DLGAP1: variants seen among roughly 807,000 people sequenced by gnomAD.
DLGAP1 encodes DLG associated protein 1, also known as disks large-associated protein 1.
Under a neutral mutation model 90.8 loss-of-function variants are expected in DLGAP1, and 11 were observed. The ratio of observed to expected loss-of-function variants is 0.12; its 90% CI spans 0.08 to 0.20. DLGAP1 has a LOEUF of 0.20. Among genes scored for constraint, DLGAP1 ranks in the 10% least tolerant of loss-of-function variants. The pLI is 1.00. For missense variants in DLGAP1, 1,050 were observed against 1,333.8 expected (o/e 0.79, Z 3.31); for synonymous variants, 558 against 540.7 (o/e 1.03, Z -0.44).
intron 1 of DLGAP1, among the ~76,000 whole-genome samples, chr18:4,233,695 A>G (rs1164225127): frequency 6.6e-6 from 1 of 152,150 alleles, no homozygotes; most frequent in African/African-American, 2.4e-5. Context: ...GAGTATTATC[A>G]AGGAATATGC....
At chr18:3,623,668 T>A (rs372163038) in intron 7 of DLGAP1, among the ~76,000 whole-genome samples, 10 of 150,226 alleles carry the variant, frequency 6.7e-5, no homozygotes, top group African/African-American at 2.5e-4. Context: ...TCCCAGCTAC[T>A]CAGGAGCCTG....
intron 2 of DLGAP1, among the ~76,000 whole-genome samples, chr18:4,036,453 C>G (rs1009579514): frequency 6.6e-6 from 1 of 152,236 alleles, no homozygotes; most frequent in African/African-American, 2.4e-5. Context: ...GTCCCTTCCC[C>G]AAGTTTGACA....
Position 3,499,992 on chromosome 18 carries a change from AC to A in DLGAP1, c.2725-599del, listed in dbSNP as rs1255295852. 6.6e-6 allele frequency among the ~76,000 whole-genome samples: 1 copy of A among 152,218 alleles called. No individual in the cohort carries two copies. Among genetic ancestry groups the A allele is most frequent in the African/African-American group, 2.4e-5 (1 of 41,454 alleles). On this transcript the variant is annotated intron_variant, in intron 12 of 12. Coordinates refer to ENST00000315677, the MANE Select transcript of DLGAP1 (RefSeq NM_004746.4). This position sits in a 1 kb window ranked among gnomAD's most constrained non-coding sequence, Gnocchi z 6.4. Reference sequence around the variant, plus strand: ...CCTTTTGCACACCACACACGAACACACAAGCAATATACAATATACAGGGTCA... The same window carrying A: ...CCTTTTGCACACCACACACGAACACAAAGCAATATACAATATACAGGGTCA...
In DLGAP1 at chr18:3,565,342, G is replaced by A. The variant is rs2054365562; in HGVS notation, c.2057+2148C>T. On this transcript the variant is annotated intron_variant, in intron 9 of 12. Coordinates refer to ENST00000315677, the MANE Select transcript of DLGAP1 (RefSeq NM_004746.4). The surrounding 1 kb of genome is among the most constrained non-coding windows in gnomAD (Gnocchi z 4.0). ...TTTTGTAATTTTTTAGTAGAGACGG[G>A]TTTCACCATGTTGGTCAGGCTGGTC... 6.6e-6 allele frequency among the ~76,000 whole-genome samples: 1 copy of A among 151,822 alleles called. No homozygotes were observed. The highest frequency in any genetic ancestry group is 2.1e-4 in the South Asian group (1 of 4,802).
rs2083556390 is a variant in DLGAP1 at position 4,442,312 on chromosome 18, T to C, written c.-267+12694A>G. ...TTTGCCCAGCCCTGAAATCACTTTC[T>C]ACATAGGATGAGCATGAGGTTAAAA... On this transcript the variant is annotated intron_variant, in intron 1 of 12. Transcript: ENST00000315677. Among the ~76,000 whole-genome samples, 3 of 152,208 alleles carry C rather than the reference T, an allele frequency of 2.0e-5. No homozygotes were observed. In the South Asian group the frequency reaches 6.2e-4, roughly 31 times the overall value.
At chr18:3,547,482 G>A (rs2144731223) in intron 9 of DLGAP1, among the ~76,000 whole-genome samples, 1 of 151,628 alleles carries the variant, frequency 6.6e-6, no homozygotes, top group East Asian at 1.9e-4. Context: ...TTTCTCCAAA[G>A]AGATAAAAAT....
At chr18:4,371,261 CTT>C (rs1217257348) in intron 1 of DLGAP1, among the ~76,000 whole-genome samples, 1 of 152,134 alleles carries the variant, frequency 6.6e-6, no homozygotes, top group African/African-American at 2.4e-5. Context: ...TTACAACAGA[CTT>C]TGTTAAGAAG....
chr18:4,284,071 A>AG (rs763914993), intron 1 of DLGAP1, among the ~76,000 whole-genome samples: 1 of 151,972 alleles, frequency 6.6e-6, no homozygotes, highest in East Asian at 1.9e-4. Flanking sequence ...GAGGAGGTGG[A>AG]GGGGGGAGGA....
At chr18:4,299,974 A>G (rs2143238075) in intron 1 of DLGAP1, among the ~76,000 whole-genome samples, 1 of 150,354 alleles carries the variant, frequency 6.7e-6, no homozygotes, top group Non-Finnish European at 1.5e-5. Context: ...TTTGCTATGT[A>G]CCAGCAAAAC....
intron 1 of DLGAP1, among the ~76,000 whole-genome samples, chr18:4,222,096 T>C (rs2078089134): frequency 6.6e-6 from 1 of 152,168 alleles, no homozygotes; most frequent in African/African-American, 2.4e-5. Context: ...TCATTCTATA[T>C]TCTCTTCTTA....
At chr18:4,059,664 T>C (rs1240068919) in intron 2 of DLGAP1, among the ~76,000 whole-genome samples, 1 of 152,176 alleles carries the variant, frequency 6.6e-6, no homozygotes, top group Non-Finnish European at 1.5e-5. Flanking sequence ...TGAGCCAAGA[T>C]CGTGCCATTG....
chr18:3,638,247 CTTTT>C (rs541911033), intron 7 of DLGAP1, among the ~76,000 whole-genome samples: 4 of 129,854 alleles, frequency 3.1e-5, no homozygotes, highest in East Asian at 2.3e-4. Flanking sequence ...GTGCCCGGCC[CTTTT>C]TTTTTTTTTT....
chr18:3,874,743 C>A (rs1246318154), intron 4 of DLGAP1: 2 of 1,516,608 alleles, frequency 1.3e-6, no homozygotes, highest in Non-Finnish European at 8.8e-7. Flanking sequence ...CAGTCACTGG[C>A]AGCGGTACAA....
chr18:4,090,884 C>T (rs2075764093), intron 2 of DLGAP1, among the ~76,000 whole-genome samples: 1 of 152,152 alleles, frequency 6.6e-6, no homozygotes, highest in Non-Finnish European at 1.5e-5. Context: ...AAATGTGGTA[C>T]ATATACACCA....
chr18:4,377,019 A>T (rs1006466483), intron 1 of DLGAP1, among the ~76,000 whole-genome samples: 1 of 152,208 alleles, frequency 6.6e-6, no homozygotes, highest in African/African-American at 2.4e-5. Flanking sequence ...CAGTGATTGA[A>T]TAGAAAGAAT....
intron 4 of DLGAP1, chr18:3,874,620 A>T: frequency 6.5e-7 from 1 of 1,535,070 alleles, no homozygotes; most frequent in Non-Finnish European, 8.7e-7. Flanking sequence ...TTACCCTGAG[A>T]TGTGCCATAA....
At chr18:3,824,614 T>TA (rs1382537472) in intron 4 of DLGAP1, among the ~76,000 whole-genome samples, 1 of 152,206 alleles carries the variant, frequency 6.6e-6, no homozygotes, top group Non-Finnish European at 1.5e-5. Context: ...TTTGAAATAT[T>TA]AAGTTTCTTA....
intron 2 of DLGAP1, among the ~76,000 whole-genome samples, chr18:4,052,397 G>A (rs2075147566): frequency 6.6e-6 from 1 of 152,144 alleles, no homozygotes; most frequent in African/African-American, 2.4e-5. Context: ...CTATGTGGAT[G>A]TTGCCAAGGC....
intron 1 of DLGAP1, among the ~76,000 whole-genome samples, chr18:4,372,724 C>T (rs1258394782): frequency 3.3e-5 from 5 of 151,892 alleles, no homozygotes; most frequent in African/African-American, 4.8e-5. Context: ...GTCAAGGGTT[C>T]GAGACAAGCC....
Sources: allele counts gnomAD v4.1 joint callset (sites outside exome capture counted in the v4.1 genomes callset), GRCh38; gene constraint gnomAD v4.1.1; non-coding constraint Gnocchi (gnomAD v3.1); transcripts MANE v1.5; gene names NCBI Gene and HGNC (gene_info 2026-07-23, HGNC 2026-07-21).